Variants in PHLDB2 observed in about 807,000 individuals in gnomAD.
PHLDB2 encodes the protein pleckstrin homology like domain family B member 2.
A neutral mutation model predicts 123.6 loss-of-function variants in PHLDB2; 71 were observed. That is an observed-to-expected ratio of 0.57 (90% CI 0.47 to 0.70). The LOEUF (loss-of-function observed/expected upper bound fraction) is 0.70, where lower values mean the gene tolerates loss of function less well. PHLDB2 is among the 30% of genes least tolerant of loss of function. The pLI, the probability that PHLDB2 is intolerant of heterozygous loss-of-function variation, is 0.00. For synonymous variants in PHLDB2, 547 were observed against 541.6 expected, an observed-to-expected ratio of 1.01 and a Z score of -0.14; for missense variants, 1,446 against 1,519.5, an observed-to-expected ratio of 0.95 and a Z score of 0.80.
At chr3:111,851,617 C>A (rs1246862770) in intron 2 of PHLDB2, among the ~76,000 whole-genome samples, 3 of 152,130 alleles carry the variant, frequency 2.0e-5, no homozygotes, top group African/African-American at 7.2e-5. Flanking sequence ...AATGTTGTGG[C>A]TGGAGCTCAT....
intron 1 of PHLDB2, among the ~76,000 whole-genome samples, chr3:111,757,212 G>T (rs1309236695): frequency 6.6e-6 from 1 of 152,178 alleles, no homozygotes; most frequent in African/African-American, 2.4e-5. Context: ...CTAGACTGGG[G>T]AAGTTCTCCT....
intron 1 of PHLDB2, among the ~76,000 whole-genome samples, chr3:111,873,925 C>T (rs946162770): frequency 3.9e-5 from 6 of 152,000 alleles, no homozygotes; most frequent in Non-Finnish European, 5.9e-5. Context: ...GAACTATAAG[C>T]GAGAAATACA....
At chr3:111,926,742 G>A (rs2068834303) in intron 5 of PHLDB2, among the ~76,000 whole-genome samples, 1 of 152,136 alleles carries the variant, frequency 6.6e-6, no homozygotes, top group Admixed American at 6.5e-5. Context: ...TGTTGACACA[G>A]GTCTATAATC....
At position 111,815,191 on chromosome 3, in the gene PHLDB2, T is replaced by C. The variant is rs138512264; in HGVS notation, c.-48-30630T>C. On this transcript the variant is annotated intron_variant, in intron 1 of 17. Transcript: ENST00000393923. ...CCAATAAACCACTTTCTTTGGTAAA[T>C]TGCCCAGTCTCAGGTATGTCTTTGT... Among the ~76,000 whole-genome samples, 437 of 152,260 alleles carry C rather than the reference T, an allele frequency of 2.9e-3. 2 individuals carry two copies. The highest frequency in any genetic ancestry group is 4.1e-3 in the Non-Finnish European group (277 of 68,016).
At chr3:111,792,434 G>C (rs1203071816) in intron 1 of PHLDB2, among the ~76,000 whole-genome samples, 1 of 152,150 alleles carries the variant, frequency 6.6e-6, no homozygotes, top group Non-Finnish European at 1.5e-5. Flanking sequence ...CACCAGGCAT[G>C]GTGGCTCATG....
At chr3:111,901,760 G>A (rs1052184413) in intron 2 of PHLDB2, among the ~76,000 whole-genome samples, 3 of 152,168 alleles carry the variant, frequency 2.0e-5, no homozygotes, top group Non-Finnish European at 4.4e-5. Flanking sequence ...AAGAGCAATA[G>A]CATAATTTCT....
intron 2 of PHLDB2, among the ~76,000 whole-genome samples, chr3:111,846,637 C>T (rs76337123): frequency 0.04 from 6,036 of 152,160 alleles, 333 homozygotes; most frequent in East Asian, 0.23. Context: ...TTTTCATTTA[C>T]TCATTGTGCT....
At chr3:111,779,914 C>A in intron 1 of PHLDB2, 2 of 954,614 alleles carry the variant, frequency 2.1e-6, no homozygotes, top group Non-Finnish European at 2.5e-6. Context: ...GGTCATACAC[C>A]CAACACTTGG....
At position 111,913,381 on chromosome 3, in the gene PHLDB2, C is replaced by A; in HGVS notation, c.1398C>A (p.Arg466=). ...CTGAATACACAAAGCCTGACAGTCGCTTATCTACTGGGACCACCGTGGAAG... is the reference window on the plus strand; with the variant it reads ...CTGAATACACAAAGCCTGACAGTCGATTATCTACTGGGACCACCGTGGAAG... ...LCAEYTKPDS[R]LSTGTTVEDV... The change falls in exon 3 of 18, where the codon CGC becomes CGA. Residue 466 remains arginine, a synonymous_variant. Coordinates refer to ENST00000431670, the MANE Select transcript of PHLDB2 (RefSeq NM_001134438.2). 1 of 1,613,916 alleles carries A rather than the reference C, an allele frequency of 6.2e-7. No homozygotes were observed. The highest frequency in any genetic ancestry group is 8.5e-7 in the Non-Finnish European group (1 of 1,179,910).
chr3:111,755,652 T>A (rs900663554), intron 1 of PHLDB2, among the ~76,000 whole-genome samples: 3 of 138,186 alleles, frequency 2.2e-5, no homozygotes, highest in Non-Finnish European at 1.5e-5. Context: ...TCTATTTCCT[T>A]CAGTTCCGCT....
Position 111,975,550 on chromosome 3 carries a change from G to T in PHLDB2, c.*987G>T, listed in dbSNP as rs2072459737. The T allele has an allele frequency of 6.6e-6, 1 of 152,188 alleles. No individual in the cohort carries two copies. The allele number at this position is 152,188 out of a possible 1,614,324, so 9.4% of individuals were successfully genotyped here. On this transcript the variant is annotated 3_prime_UTR_variant, in exon 18 of 18. Transcript: ENST00000431670. ...ATAGCTCTGTTTTCACCAAAGAACA[G>T]ACCAATTAACATACTTATTTGCAGA...
chr3:111,746,213 G>T (rs2059679880), intron 1 of PHLDB2, among the ~76,000 whole-genome samples: 2 of 152,266 alleles, frequency 1.3e-5, no homozygotes, highest in South Asian at 4.2e-4. Context: ...CACTCTTCCA[G>T]CCCTTCCAAT....
chr3:111,902,077 C>G (rs887705724), intron 2 of PHLDB2, among the ~76,000 whole-genome samples: 7 of 152,100 alleles, frequency 4.6e-5, no homozygotes, highest in African/African-American at 1.4e-4. Flanking sequence ...ACCCACCCAT[C>G]TGCTGGTTGA....
intron 1 of PHLDB2, among the ~76,000 whole-genome samples, chr3:111,872,454 G>C (rs2108714330): frequency 6.6e-6 from 1 of 152,188 alleles, no homozygotes; most frequent in South Asian, 2.1e-4. Context: ...AATGCCTCTT[G>C]TGTGCTCTCC....
At chr3:111,828,506 T>C (rs1313697764) in intron 1 of PHLDB2, among the ~76,000 whole-genome samples, 1 of 152,166 alleles carries the variant, frequency 6.6e-6, no homozygotes, top group African/African-American at 2.4e-5. Flanking sequence ...TTTAAAAGAC[T>C]GTGGCCAGGC....
chr3:111,939,418 A>G (rs1006167466), intron 6 of PHLDB2, 57 bp from the exon 7 acceptor site: 28 of 1,527,294 alleles, frequency 1.8e-5, no homozygotes, highest in African/African-American at 1.8e-4. Context: ...GTTTCTTCAC[A>G]TTAAGAAGGT....
At chr3:111,759,210 T>A (rs2059952951) in intron 1 of PHLDB2, among the ~76,000 whole-genome samples, 1 of 152,136 alleles carries the variant, frequency 6.6e-6, no homozygotes, top group Non-Finnish European at 1.5e-5. Context: ...CAGAAACTTA[T>A]TTCTCACCAT....
At position 111,884,952 on chromosome 3, in the gene PHLDB2, C is replaced by T; in HGVS notation, c.875C>T (p.Pro292Leu). 1 of 1,614,024 alleles carries T rather than the reference C, an allele frequency of 6.2e-7. No homozygotes were observed. Among genetic ancestry groups the T allele is most frequent in the Middle Eastern group, 1.6e-4 (1 of 6,062 alleles). ...KRTKLGEKDL[P>L]HSVIDNDNYL... is the part of the protein sequence containing the mutation. ...ACAAAACTTGGGGAAAAGGATCTAC[C>T]TCATAGCGTAATAGACAATGACAAT... Residue 292 changes from proline to leucine, a missense_variant, in exon 2 of 18, where the codon CCT (proline) becomes CTT (leucine). Coordinates refer to ENST00000431670, the MANE Select transcript of PHLDB2 (RefSeq NM_001134438.2).
At chr3:111,947,823 T>C (rs1029308547) in intron 9 of PHLDB2, among the ~76,000 whole-genome samples, 36 of 152,332 alleles carry the variant, frequency 2.4e-4, no homozygotes, top group African/African-American at 8.4e-4. Context: ...CATTCTCCAC[T>C]TTGTTATCAA....
Sources: gnomAD v4.1 joint callset for allele counts (sites outside exome capture counted in the v4.1 genomes callset) on GRCh38, gnomAD v4.1.1 for gene constraint, MANE v1.5 for transcripts, NCBI Gene and HGNC (gene_info 2026-07-23, HGNC 2026-07-21) for gene names.